Variants in NME7 observed in about 807,000 individuals in gnomAD.
NME7 encodes the protein NME/NM23 family member 7.
In NME7, 41 loss-of-function variants were observed where a neutral mutation model predicts 49.1. That is an observed-to-expected ratio of 0.83 (90% CI 0.65 to 1.08). The LOEUF (loss-of-function observed/expected upper bound fraction) is 1.08, where lower values mean the gene tolerates loss of function less well. NME7 is among the 50% of genes least tolerant of loss of function. The probability of loss-of-function intolerance (pLI) is 0.00; values close to 1 mark genes in which losing one functional copy is unlikely to be tolerated. For missense variants in NME7, 423 were observed against 463.4 expected, an observed-to-expected ratio of 0.91 and a Z score of 0.80; for synonymous variants, 139 against 150.6, an observed-to-expected ratio of 0.92 and a Z score of 0.56.
intron 7 of NME7, among the ~76,000 whole-genome samples, chr1:169,239,097 CAAAA>C (rs1377528523): frequency 1.5e-4 from 23 of 151,786 alleles, no homozygotes; most frequent in African/African-American, 5.6e-4. Context: ...GAGAAGTCAA[CAAAA>C]ATGTTGAGTG....
intron 11 of NME7, among the ~76,000 whole-genome samples, chr1:169,150,374 T>C (rs1658878653): frequency 6.6e-6 from 1 of 152,210 alleles, no homozygotes; most frequent in Non-Finnish European, 1.5e-5. Context: ...TTGCATTTAA[T>C]GGACAAATAG....
chr1:169,289,365 A>G (rs1650405023), intron 6 of NME7, among the ~76,000 whole-genome samples: 1 of 152,140 alleles, frequency 6.6e-6, no homozygotes, highest in South Asian at 2.1e-4. Context: ...CAGTTTCTCA[A>G]TGAATATTTG....
At chr1:169,344,741 A>G (rs1055979424) in intron 1 of NME7, among the ~76,000 whole-genome samples, 3 of 152,034 alleles carry the variant, frequency 2.0e-5, no homozygotes, top group African/African-American at 7.2e-5. Context: ...CATTCTATGT[A>G]TTGCTAATAT....
In NME7 at chr1:169,184,665, A is replaced by T. The variant is rs373495390; in HGVS notation, c.991-15111T>A. Among the ~76,000 whole-genome samples the T allele has an allele frequency of 2.6e-5, 4 of 152,318 alleles. No individual in the cohort carries two copies. In the East Asian group the frequency reaches 5.8e-4, roughly 22 times the overall value. On this transcript the variant is annotated intron_variant, in intron 10 of 11. Transcript: ENST00000367811. ...CTGTCCCTCTACATATTCAATAAAT[A>T]TTTATTGATACCTATAATTTGTGAG...
rs1294229609 is a variant in NME7 at position 169,151,016 on chromosome 1, T to C, written c.1099-18199A>G. Among the ~76,000 whole-genome samples the C allele has an allele frequency of 3.9e-5, 6 of 152,338 alleles. No homozygotes were observed. The East Asian group carries it at 7.7e-4, about 20-fold the overall frequency. On this transcript the variant is annotated intron_variant, in intron 11 of 11. Transcript: ENST00000367811. ...TTGATGTTTTTCAACCATTTAAACA[T>C]GTGAAAGCCATTCTTAGCTCATGGG... is the stretch of plus-strand genomic sequence containing the variant.
chr1:169,159,226 A>C (rs1249690454), intron 11 of NME7, among the ~76,000 whole-genome samples: 2 of 152,094 alleles, frequency 1.3e-5, no homozygotes, highest in African/African-American at 4.8e-5. Flanking sequence ...TGGAAAAAAG[A>C]AGTGATAACT....
intron 2 of NME7, 66 bp from the exon 3 acceptor site, chr1:169,323,349 A>C: frequency 3.2e-4 from 399 of 1,247,172 alleles, no homozygotes; most frequent in Non-Finnish European, 4.0e-4. Flanking sequence ...AGTTAATCTC[A>C]TCATAAGGTA....
At chr1:169,198,447 GA>G (rs776735953) in intron 10 of NME7, among the ~76,000 whole-genome samples, 12 of 152,158 alleles carry the variant, frequency 7.9e-5, no homozygotes, top group Admixed American at 2.6e-4. Flanking sequence ...CCAAAAGATA[GA>G]AACAACCCAA....
chr1:169,263,887 A>G (rs1331017614), intron 7 of NME7, among the ~76,000 whole-genome samples: 1 of 133,476 alleles, frequency 7.5e-6, no homozygotes, highest in African/African-American at 2.5e-5. Flanking sequence ...GCCCATCAGA[A>G]TAATAGTGTA....
intron 5 of NME7, among the ~76,000 whole-genome samples, chr1:169,300,326 T>A (rs976293719): frequency 3.3e-5 from 5 of 152,154 alleles, no homozygotes; most frequent in African/African-American, 1.2e-4. Context: ...TAGGAATATT[T>A]TATAACACTT....
At chr1:169,230,660 C>T (rs1647572290) in intron 10 of NME7, 58 bp downstream of exon 10, 1 of 1,125,626 alleles carries the variant, frequency 8.9e-7, no homozygotes, top group Non-Finnish European at 1.2e-6. Flanking sequence ...AATTTTAAAC[C>T]TGTTAAAATA....
At chr1:169,322,221 C>G (rs191812721) in intron 3 of NME7, 55 of 151,992 alleles carry the variant, frequency 3.6e-4, no homozygotes, top group African/African-American at 1.3e-3. Flanking sequence ...TTTCTTAGCC[C>G]CTTTTACAGA....
chr1:169,364,514 G>GA lies in NME7; in HGVS notation c.3+3193_3+3194insT, dbSNP rs1333202700. Among the ~76,000 whole-genome samples the GA allele has an allele frequency of 3.8e-3, 576 of 152,162 alleles. 2 individuals carry two copies. Among genetic ancestry groups the GA allele is most frequent in the African/African-American group, 0.013 (560 of 41,492 alleles). ...TCTGACCTCAGCCTCTTCAATAGCT[G>GA]GGACTACACACATATGCCACCGCAC... On this transcript the variant is annotated intron_variant, in intron 1 of 11. Coordinates refer to ENST00000367811, the MANE Select transcript of NME7 (RefSeq NM_013330.5).
chr1:169,228,503 C>A (rs1186953766), intron 10 of NME7, among the ~76,000 whole-genome samples: 1 of 151,262 alleles, frequency 6.6e-6, no homozygotes, highest in Non-Finnish European at 1.5e-5. Context: ...AGGTGAAACC[C>A]CGTCTCTACT....
intron 4 of NME7, among the ~76,000 whole-genome samples, chr1:169,304,659 T>C (rs1048620156): frequency 6.6e-6 from 1 of 152,182 alleles, no homozygotes; most frequent in Non-Finnish European, 1.5e-5. Flanking sequence ...GAAATAGGTG[T>C]GATCACCTTT....
chr1:169,347,394 G>C (rs1652987238), intron 1 of NME7, among the ~76,000 whole-genome samples: 1 of 152,118 alleles, frequency 6.6e-6, no homozygotes, highest in African/African-American at 2.4e-5. Context: ...ATTCCAGGTA[G>C]ACAAAAAGTA....
intron 7 of NME7, among the ~76,000 whole-genome samples, chr1:169,257,564 C>G (rs1203814295): frequency 7.5e-6 from 1 of 134,036 alleles, no homozygotes; most frequent in African/African-American, 2.5e-5. Flanking sequence ...CGGAGCTGTT[C>G]CTATTCGGCC....
In NME7 at chr1:169,256,102, T is replaced by C. The variant is rs1648919124; in HGVS notation, c.755-18415A>G. Among the ~76,000 whole-genome samples, 2 of 133,254 alleles carry C rather than the reference T, an allele frequency of 1.5e-5. 1 individual carries two copies. Among genetic ancestry groups the C allele is most frequent in the African/African-American group, 5.1e-5 (2 of 39,314 alleles). The allele number at this position is 133,254 out of a possible 152,430, so 87.4% of individuals were successfully genotyped here. A position where few individuals can be genotyped will look rare whatever the true frequency, so the allele number is the denominator to read the frequency against. ...ATTCTCTGTATTTCCTGAATCTGAA[T>C]GTTGGCCTGCCTTGCTAGATTGGGG... On this transcript the variant is annotated intron_variant, in intron 7 of 11. Coordinates refer to ENST00000367811, the MANE Select transcript of NME7 (RefSeq NM_013330.5).
At chr1:169,284,101 G>T (rs561405383) in intron 7 of NME7, 1 of 152,108 alleles carries the variant, frequency 6.6e-6, no homozygotes, top group African/African-American at 2.4e-5. Flanking sequence ...ACGCAGATTT[G>T]TCTTTTCACA....
Sources: allele counts gnomAD v4.1 joint callset (sites outside exome capture counted in the v4.1 genomes callset), GRCh38; gene constraint gnomAD v4.1.1; transcripts MANE v1.5; gene names NCBI Gene and HGNC (gene_info 2026-07-23, HGNC 2026-07-21).